RAB43: variants seen among roughly 807,000 people sequenced by gnomAD.
The protein encoded by RAB43 is RAB43, member RAS oncogene family.
RAB43 carries 6 observed loss-of-function variants against 18.8 expected under a neutral mutation model. The observed-to-expected ratio is 0.32, with a 90% CI of 0.17 to 0.63. The LOEUF (loss-of-function observed/expected upper bound fraction) is 0.63. Among genes scored for constraint, RAB43 ranks in the 30% least tolerant of loss-of-function variants. RAB43 has a pLI of 0.79. For missense variants in RAB43, 195 were observed against 289.1 expected, an observed-to-expected ratio of 0.67 and a Z score of 2.36; for synonymous variants, 103 against 124.1, an observed-to-expected ratio of 0.83 and a Z score of 1.13.
rs868237130 is a variant in RAB43 at position 129,121,712 on chromosome 3, C to T, written c.-223G>A. On this transcript the variant is annotated 5_prime_UTR_variant, in exon 1 of 3. Transcript: ENST00000315150. ...GGCCCGGCTCGGCCCCGCCCGGACC[C>T]GGTGCCCCGCGGGTTCGGCTCCCCC... is the stretch of plus-strand genomic sequence containing the variant. The T allele has an allele frequency of 2.3e-5, 7 of 308,460 alleles. No homozygotes were observed. The highest frequency in any genetic ancestry group is 1.1e-4 in the African/African-American group (5 of 45,124). The allele number at this position is 308,460 out of a possible 1,614,324, so 19.1% of individuals were successfully genotyped here. A position where few individuals can be genotyped will look rare whatever the true frequency, so the allele number is the denominator to read the frequency against.
In RAB43 at chr3:129,121,557, G is replaced by A. The variant is rs2107591405; in HGVS notation, c.-68C>T. 2 of 1,375,676 alleles carry A rather than the reference G, an allele frequency of 1.5e-6. No individual in the cohort carries two copies. Among genetic ancestry groups the A allele is most frequent in the Non-Finnish European group, 1.9e-6 (2 of 1,028,598 alleles). 85.2% of individuals were successfully genotyped at this position (1,375,676 alleles called of 1,614,324 possible). ...CCGGCCTGAGCTCACGCAAGCCGCG[G>A]GCCGAGCTCCGCCCGCTCCAGCCCA... On this transcript the variant is annotated 5_prime_UTR_variant, in exon 1 of 3. Transcript: ENST00000315150.
In RAB43 at chr3:129,095,229, G is replaced by C. The variant is rs1933963114; in HGVS notation, c.205-60C>G. The C allele has an allele frequency of 2.6e-5, 41 of 1,573,294 alleles. No homozygotes were observed. Among genetic ancestry groups the C allele is most frequent in the Non-Finnish European group, 3.5e-5 (40 of 1,158,052 alleles). ...CACAGGCTGAACATGGGGACAGGCA[G>C]AGTGACCCCACAGACCCACACCCAG... On this transcript the variant is annotated intron_variant, in intron 1 of 2. Coordinates refer to ENST00000315150, the MANE Select transcript of RAB43 (RefSeq NM_198490.3). The surrounding 1 kb of genome is among the most constrained non-coding windows in gnomAD (Gnocchi z 4.2).
At chr3:129,119,656 C>T in intron 1 of RAB43, among the ~76,000 whole-genome samples, 1 of 152,098 alleles carries the variant, frequency 6.6e-6, no homozygotes, top group East Asian at 1.9e-4. Context: ...CGGGCTGCTT[C>T]CTAGGAAGGA....
intron 2 of RAB43, among the ~76,000 whole-genome samples, chr3:129,092,058 T>TA (rs1012657876): frequency 0.013 from 773 of 59,540 alleles, 6 homozygotes; most frequent in African/African-American, 0.037. Flanking sequence ...AACTCCGTCA[T>TA]AAAAAAAAAA....
Position 129,102,296 on chromosome 3 carries a change from C to T in RAB43, c.205-7127G>A, listed in dbSNP as rs980425948. The stretch of plus-strand genomic sequence containing the variant: ...CCCTTCTCTCTGGCTCTGTTTTCCA[C>T]GGGAAGCCTGGGCTAAGACAAGATG... On this transcript the variant is annotated intron_variant, in intron 1 of 2. Transcript: ENST00000315150. Among the ~76,000 whole-genome samples, 12 of 152,252 alleles carry T rather than the reference C, an allele frequency of 7.9e-5. No homozygotes were observed. In the East Asian group the frequency reaches 1.7e-3, roughly 22 times the overall value.
chr3:129,096,618 C>T (rs1187157742), intron 1 of RAB43, among the ~76,000 whole-genome samples: 3 of 152,020 alleles, frequency 2.0e-5, no homozygotes, highest in Non-Finnish European at 1.5e-5. Context: ...AAACAATCGT[C>T]AATGTTTCAG....
chr3:129,116,356 T>C (rs1935526301), intron 1 of RAB43, among the ~76,000 whole-genome samples: 1 of 152,176 alleles, frequency 6.6e-6, no homozygotes, highest in Non-Finnish European at 1.5e-5. Flanking sequence ...AGGATGGCTG[T>C]CCCTGGTATC....
chr3:129,113,130 C>T (rs1032134144), intron 1 of RAB43, among the ~76,000 whole-genome samples: 5 of 151,496 alleles, frequency 3.3e-5, no homozygotes, highest in Admixed American at 3.3e-4. Flanking sequence ...CACTCATATA[C>T]ACGTTTGAGT....
chr3:129,122,141 G>A, upstream of RAB43: 1 of 120,876 alleles, frequency 8.3e-6, no homozygotes, highest in Admixed American at 9.3e-5. Flanking sequence ...AGCCCTCCCC[G>A]ACTCCGCCTT....
In RAB43 at chr3:129,095,381, C is replaced by G. The variant is rs1346567846; in HGVS notation, c.205-212G>C. Among the ~76,000 whole-genome samples, 1 of 152,052 alleles carries G rather than the reference C, an allele frequency of 6.6e-6. No individual in the cohort carries two copies. The highest frequency in any genetic ancestry group is 6.6e-5 in the Admixed American group (1 of 15,266). On this transcript the variant is annotated intron_variant, in intron 1 of 2. Coordinates refer to ENST00000315150, the MANE Select transcript of RAB43 (RefSeq NM_198490.3). The surrounding 1 kb of genome is among the most constrained non-coding windows in gnomAD (Gnocchi z 4.2). The stretch of plus-strand genomic sequence containing the variant: ...GCCCCTGTCCTGGCCCTCTAGGGTC[C>G]CCAGGGAAAGATGGAGGAAGGGGTA...
intron 1 of RAB43, among the ~76,000 whole-genome samples, chr3:129,108,330 T>C (rs1934920168): frequency 6.6e-6 from 1 of 152,264 alleles, no homozygotes; most frequent in African/African-American, 2.4e-5. Flanking sequence ...GGCTGGCTGT[T>C]GCCACAATGT....
rs1248845426 is a variant in RAB43, at chr3:129,087,611, C to T, written c.*3485G>A. 2.6e-5 allele frequency: 4 copies of T among 152,242 alleles called. No individual in the cohort carries two copies. The highest frequency in any genetic ancestry group is 2.0e-4 in the Admixed American group (3 of 15,298). 9.4% of individuals were successfully genotyped at this position (152,242 alleles called of 1,614,324 possible). On this transcript the variant is annotated 3_prime_UTR_variant, in exon 3 of 3. Transcript: ENST00000315150. ...CTGTTTAATGGTTTAGGAATGTGTA[C>T]ACTCTGGCTCTGCCAAGTTTCCATA... is the stretch of plus-strand genomic sequence containing the variant.
intron 1 of RAB43, among the ~76,000 whole-genome samples, 189 bp downstream of exon 1, chr3:129,121,097 G>C (rs911752181): frequency 6.4e-5 from 8 of 125,774 alleles, no homozygotes; most frequent in Non-Finnish European, 1.3e-4. Flanking sequence ...ACCCACGGCC[G>C]GCGCTTTGAG....
chr3:129,119,572 T>C (rs1935772875), intron 1 of RAB43, among the ~76,000 whole-genome samples: 1 of 152,146 alleles, frequency 6.6e-6, no homozygotes, highest in Non-Finnish European at 1.5e-5. Flanking sequence ...CCCAACAGCC[T>C]CTCAAGAAGG....
At chr3:129,098,898 C>T (rs991091285) in intron 1 of RAB43, among the ~76,000 whole-genome samples, 7 of 151,948 alleles carry the variant, frequency 4.6e-5, no homozygotes, top group Non-Finnish European at 1.5e-5. Flanking sequence ...CATGGTAAAA[C>T]CCCATCTCTA....
chr3:129,117,759 G>A (rs1935644051), intron 1 of RAB43, among the ~76,000 whole-genome samples: 1 of 152,138 alleles, frequency 6.6e-6, no homozygotes, highest in South Asian at 2.1e-4. Context: ...CAAATCAGAA[G>A]GGTGGTCAAG....
At chr3:129,121,227 G>C in intron 1 of RAB43, 59 bp downstream of exon 1, 1 of 1,450,780 alleles carries the variant, frequency 6.9e-7, no homozygotes, top group Non-Finnish European at 9.3e-7. Context: ...CAGGGGCTCC[G>C]CTGCCCCCGC....
At chr3:129,101,812 C>T (rs529252818) in intron 1 of RAB43, among the ~76,000 whole-genome samples, 1 of 152,300 alleles carries the variant, frequency 6.6e-6, no homozygotes, top group East Asian at 1.9e-4. Flanking sequence ...AACGTAAAGC[C>T]ACTGGAGATT....
intron 1 of RAB43, among the ~76,000 whole-genome samples, chr3:129,119,660 G>C (rs1935780555): frequency 6.6e-6 from 1 of 152,096 alleles, no homozygotes; most frequent in Non-Finnish European, 1.5e-5. Flanking sequence ...CTGCTTCCTA[G>C]GAAGGACAAT....
Sources: gnomAD v4.1 joint callset for allele counts (sites outside exome capture counted in the v4.1 genomes callset) on GRCh38, gnomAD v4.1.1 for gene constraint, Gnocchi (gnomAD v3.1) non-coding constraint, MANE v1.5 for transcripts, NCBI Gene and HGNC (gene_info 2026-07-23, HGNC 2026-07-21) for gene names.